Variants in COBL observed in about 807,000 individuals in gnomAD.
COBL encodes protein cordon-bleu.
COBL carries 51 observed loss-of-function variants against 98.8 expected under a neutral mutation model. That is an observed-to-expected ratio of 0.52 (90% CI 0.41 to 0.65). The LOEUF is 0.65. Among genes scored for constraint, COBL ranks in the 30% least tolerant of loss-of-function variants. COBL has a pLI of 0.00. For missense variants in COBL, 1,617 were observed against 1,617.5 expected, an observed-to-expected ratio of 1.00 and a Z score of 0.01; for synonymous variants, 634 against 651.7, an observed-to-expected ratio of 0.97 and a Z score of 0.41.
chr7:51,108,373 G>A (rs1476108555), intron 6 of COBL, among the ~76,000 whole-genome samples: 2 of 152,154 alleles, frequency 1.3e-5, no homozygotes, highest in Non-Finnish European at 2.9e-5. Flanking sequence ...TTTATGTGCT[G>A]GACTGTGGAA....
At chr7:51,222,611 G>C (rs1793755644) in intron 1 of COBL, among the ~76,000 whole-genome samples, 1 of 151,768 alleles carries the variant, frequency 6.6e-6, no homozygotes, top group South Asian at 2.1e-4. Context: ...AAAAAATCAA[G>C]ACAGAGAGAA....
intron 5 of COBL, among the ~76,000 whole-genome samples, chr7:51,146,909 C>T (rs968912861): frequency 1.3e-4 from 20 of 152,178 alleles, no homozygotes; most frequent in East Asian, 5.8e-4. Flanking sequence ...AGAGCAGATA[C>T]GGCTGCTGAT....
In COBL at chr7:51,017,490, T is replaced by G. The variant is rs1275697451; in HGVS notation, c.*61A>C. ...TGATGTTCCTGGCTATGCAGACTCC[T>G]TGAGTGACGCCTGTGGGCATATTAC... is the stretch of plus-strand genomic sequence containing the variant. On this transcript the variant is annotated 3_prime_UTR_variant, in exon 13 of 13. Transcript: ENST00000265136. 6.3e-7 allele frequency: 1 copy of G among 1,575,808 alleles called. No individual in the cohort carries two copies. The highest frequency in any genetic ancestry group is 8.7e-7 in the Non-Finnish European group (1 of 1,145,410).
chr7:51,025,921 G>A (rs1175813768), intron 11 of COBL, among the ~76,000 whole-genome samples: 3 of 152,168 alleles, frequency 2.0e-5, no homozygotes, highest in African/African-American at 4.8e-5. Context: ...GAGACTAGAA[G>A]TTGGCAGTCC....
intron 1 of COBL, among the ~76,000 whole-genome samples, chr7:51,269,524 G>A (rs1309470337): frequency 1.3e-5 from 2 of 152,346 alleles, no homozygotes; most frequent in Non-Finnish European, 2.9e-5. Context: ...GACGTGGGGG[G>A]CAGAGGTGTG....
At position 51,085,285 on chromosome 7, in the gene COBL, A is replaced by T. The variant is rs758247771; in HGVS notation, c.977T>A (p.Ile326Asn). The T allele has an allele frequency of 1.3e-6, 2 of 1,572,076 alleles. No homozygotes were observed. The highest frequency in any genetic ancestry group is 2.2e-5 in the South Asian group (2 of 89,334). ...ASEKVSLGSQ[I>N]DLQKKKRRAP... Reference sequence around the variant, plus strand: ...TCGCCGCTTCTTCTTCTGTAAATCAATCTGTGACCCAAGAGATACCTATGA... The same window carrying T: ...TCGCCGCTTCTTCTTCTGTAAATCATTCTGTGACCCAAGAGATACCTATGA... Residue 326 changes from isoleucine to asparagine, a missense_variant, in exon 7 of 13, where the codon ATT becomes AAT. By Grantham distance (149) the Ile-to-Asn change is moderately radical (BLOSUM62 -3). This residue lies in a region of COBL where 1,304 missense variants were observed against 1,282.0 expected (regional missense o/e 1.02). Transcript: ENST00000265136.
At chr7:51,284,245 G>A (rs1459124691) in intron 1 of COBL, among the ~76,000 whole-genome samples, 1 of 150,940 alleles carries the variant, frequency 6.6e-6, no homozygotes, top group Admixed American at 6.6e-5. Flanking sequence ...AGCTTGCAGT[G>A]AGCAGAGATT....
intron 8 of COBL, among the ~76,000 whole-genome samples, chr7:51,039,029 G>A (rs1337219036): frequency 4.6e-5 from 7 of 151,908 alleles, no homozygotes; most frequent in Non-Finnish European, 7.4e-5. Context: ...CAGGAGGCTC[G>A]ACTCAGGGAC....
intron 5 of COBL, among the ~76,000 whole-genome samples, chr7:51,156,798 G>A (rs772699878): frequency 7.3e-4 from 110 of 151,214 alleles, no homozygotes; most frequent in Non-Finnish European, 1.4e-3. Flanking sequence ...CTGAAGAATG[G>A]GAACTTTCAT....
chr7:51,219,124 C>A (rs1793369775), intron 2 of COBL, among the ~76,000 whole-genome samples: 1 of 152,152 alleles, frequency 6.6e-6, no homozygotes, highest in Admixed American at 6.5e-5. Context: ...TTCAGCCGCA[C>A]CTTTTGTGAG....
intron 7 of COBL, among the ~76,000 whole-genome samples, chr7:51,080,736 C>G (rs1322763272): frequency 6.6e-6 from 1 of 152,170 alleles, no homozygotes; most frequent in Non-Finnish European, 1.5e-5. Context: ...AATGTCTCCA[C>G]TGAGCTTCCA....
chr7:51,267,143 A>T (rs529325010), intron 1 of COBL, among the ~76,000 whole-genome samples: 1 of 152,338 alleles, frequency 6.6e-6, no homozygotes, highest in South Asian at 2.1e-4. Context: ...CTTGAACAAA[A>T]ATAAGTATCT....
chr7:51,139,871 G>GC (rs1309812609), intron 5 of COBL, among the ~76,000 whole-genome samples: 6 of 151,998 alleles, frequency 3.9e-5, no homozygotes, highest in African/African-American at 1.2e-4. Context: ...AAACAGCTTG[G>GC]CCCCCCCTAT....
At chr7:51,035,019 A>G (rs1294000334) in intron 8 of COBL, 1 of 152,218 alleles carries the variant, frequency 6.6e-6, no homozygotes, top group Non-Finnish European at 1.5e-5. Context: ...ACAGCTCAGC[A>G]CCGGCAAGTT....
chr7:51,159,975 C>T (rs2129033328), intron 5 of COBL, among the ~76,000 whole-genome samples: 1 of 152,350 alleles, frequency 6.6e-6, no homozygotes, highest in Non-Finnish European at 1.5e-5. Context: ...TCACTACAAC[C>T]TCCGCCTCCC....
intron 6 of COBL, among the ~76,000 whole-genome samples, chr7:51,094,415 T>C (rs1191929419): frequency 6.6e-6 from 1 of 152,190 alleles, no homozygotes; most frequent in African/African-American, 2.4e-5. Flanking sequence ...GTAATATATA[T>C]ACATTAATTA....
Position 51,025,258 on chromosome 7 carries a change from G to GGGGTGGGGGGGGGGGGGGGT in COBL, c.3618_3619insACCCCCCCCCCCCCCCACCC (p.Pro1207ThrfsTer42). ...TGGGAGGGTGGAGGGGGTGGTGGGG[G>GGGGTGGGGGGGGGGGGGGGT]AATGGCTGGTGGGGACAGAAGACCA... On this transcript the variant is annotated frameshift_variant, in exon 12 of 13. Coordinates refer to ENST00000265136, the MANE Select transcript of COBL (RefSeq NM_015198.5). LOFTEE classifies it high-confidence loss of function. 1 of 725,724 alleles carries GGGGTGGGGGGGGGGGGGGGT rather than the reference G, an allele frequency of 1.4e-6. No individual in the cohort carries two copies. 45.0% of individuals were successfully genotyped at this position (725,724 alleles called of 1,614,324 possible).
intron 1 of COBL, among the ~76,000 whole-genome samples, chr7:51,252,906 G>T (rs1414611616): frequency 6.6e-6 from 1 of 152,134 alleles, no homozygotes; most frequent in African/African-American, 2.4e-5. Context: ...CCAGGTCAAG[G>T]TTGCAAAATG....
At chr7:51,171,063 T>G (rs148967090) in intron 5 of COBL, among the ~76,000 whole-genome samples, 1 of 152,180 alleles carries the variant, frequency 6.6e-6, no homozygotes, top group African/African-American at 2.4e-5. Flanking sequence ...AAAAATAAAA[T>G]CAAATTTAAG....
Sources: gnomAD v4.1 joint callset for allele counts (sites outside exome capture counted in the v4.1 genomes callset) on GRCh38, gnomAD v4.1.1 for gene constraint, gnomAD v4.1.1 regional missense constraint, MANE v1.5 for transcripts, NCBI Gene and HGNC (gene_info 2026-07-23, HGNC 2026-07-21) for gene names.